PLEKHA7: variants seen among roughly 807,000 people sequenced by gnomAD.
PLEKHA7 encodes pleckstrin homology domain containing A7.
A neutral mutation model predicts 170.0 loss-of-function variants in PLEKHA7; 104 were observed. That is an observed-to-expected ratio of 0.61 (90% CI 0.52 to 0.72). PLEKHA7 has a LOEUF of 0.72. Ranked by LOEUF, PLEKHA7 falls within the 30% of genes least tolerant of loss-of-function variation. The pLI is 0.00. For missense variants in PLEKHA7, 1,615 were observed against 1,671.7 expected, an observed-to-expected ratio of 0.97 and a Z score of 0.59; for synonymous variants, 648 against 660.8, an observed-to-expected ratio of 0.98 and a Z score of 0.30.
chr11:16,909,102 T>A (rs529489489), intron 3 of PLEKHA7, among the ~76,000 whole-genome samples: 1 of 152,332 alleles, frequency 6.6e-6, no homozygotes, highest in African/African-American at 2.4e-5. Context: ...TCTGGGTGGA[T>A]TAAATGATAC....
chr11:16,782,685 A>G (rs546807025), intron 26 of PLEKHA7, 69 bp downstream of exon 26: 54 of 1,517,076 alleles, frequency 3.6e-5, no homozygotes, highest in Non-Finnish European at 4.5e-5. Flanking sequence ...GGAACAGGCC[A>G]TGCTGGGCCC....
chr11:16,817,333 A>G lies in PLEKHA7; in HGVS notation c.1344-11T>C. 1 of 1,599,844 alleles carries G rather than the reference A, an allele frequency of 6.3e-7. No individual in the cohort carries two copies. Among genetic ancestry groups the G allele is most frequent in the African/African-American group, 1.3e-5 (1 of 74,858 alleles). On this transcript the variant is annotated splice_polypyrimidine_tract_variant and intron_variant, in intron 10 of 26. Coordinates refer to ENST00000531066, the MANE Select transcript of PLEKHA7 (RefSeq NM_001329630.2). This position sits in a 1 kb window ranked among gnomAD's most constrained non-coding sequence, Gnocchi z 4.4. ...TGGTCCAAGGGAAGACTGAGGAGAA[A>G]GGGTAAGAACGGGTCAGGCAACCAA...
chr11:16,924,968 T>C (rs1859397840), intron 3 of PLEKHA7, among the ~76,000 whole-genome samples: 1 of 152,122 alleles, frequency 6.6e-6, no homozygotes, highest in Non-Finnish European at 1.5e-5. Context: ...GGAAGGTGTG[T>C]CTGAAACCAG....
intron 3 of PLEKHA7, among the ~76,000 whole-genome samples, chr11:16,988,023 T>C (rs548280107): frequency 2.6e-5 from 4 of 152,366 alleles, no homozygotes; most frequent in Admixed American, 2.6e-4. Flanking sequence ...TGACTGCACC[T>C]GTTAATAACC....
intron 3 of PLEKHA7, among the ~76,000 whole-genome samples, chr11:16,964,601 T>C (rs1002497950): frequency 4.6e-5 from 7 of 151,934 alleles, no homozygotes; most frequent in African/African-American, 1.7e-4. Flanking sequence ...CAACTAGGAG[T>C]GTTTCACTCT....
chr11:16,890,105 G>A (rs1192730277), intron 3 of PLEKHA7, among the ~76,000 whole-genome samples: 1 of 152,128 alleles, frequency 6.6e-6, no homozygotes, highest in East Asian at 1.9e-4. Flanking sequence ...CAAACACTAG[G>A]GGAATTTTTC....
chr11:16,920,779 G>A (rs1226096673), intron 3 of PLEKHA7, among the ~76,000 whole-genome samples: 1 of 152,176 alleles, frequency 6.6e-6, no homozygotes, highest in East Asian at 1.9e-4. Context: ...AGAGTGCACA[G>A]CTCCATGCCG....
At chr11:16,935,522 C>T (rs1326333031) in intron 3 of PLEKHA7, among the ~76,000 whole-genome samples, 8 of 152,212 alleles carry the variant, frequency 5.3e-5, no homozygotes, top group Admixed American at 4.6e-4. Flanking sequence ...AAGGTAGAAA[C>T]ATGCTTTAAA....
At chr11:16,836,796 CTTTT>C (rs376257161) in intron 9 of PLEKHA7, among the ~76,000 whole-genome samples, 2 of 134,188 alleles carry the variant, frequency 1.5e-5, no homozygotes, top group African/African-American at 2.9e-5. Context: ...GTTTCCTGGG[CTTTT>C]TTTTTTTGTT....
At chr11:16,801,136 C>A (rs75163301) in intron 16 of PLEKHA7, 61 bp from the exon 17 acceptor site, 1 of 1,424,032 alleles carries the variant, frequency 7.0e-7, no homozygotes, top group Non-Finnish European at 9.9e-7. Context: ...GAAGGCCTCA[C>A]GAACACCTGT....
At chr11:16,978,040 C>T (rs147469885) in intron 3 of PLEKHA7, among the ~76,000 whole-genome samples, 280 of 152,260 alleles carry the variant, frequency 1.8e-3, no homozygotes, top group African/African-American at 6.3e-3. Context: ...ACAGCAGGCA[C>T]ACCTCCTGTC....
chr11:16,925,021 C>T (rs1283895590), intron 3 of PLEKHA7, among the ~76,000 whole-genome samples: 4 of 152,352 alleles, frequency 2.6e-5, no homozygotes, highest in East Asian at 3.9e-4. Context: ...TCCTCCGTAG[C>T]CGGCTCCTGG....
chr11:16,973,261 C>T (rs1449716230), intron 3 of PLEKHA7, among the ~76,000 whole-genome samples: 1 of 152,198 alleles, frequency 6.6e-6, no homozygotes, highest in East Asian at 1.9e-4. Context: ...GGCAAGAACA[C>T]AGGCCACTAG....
intron 3 of PLEKHA7, among the ~76,000 whole-genome samples, chr11:16,970,416 T>G (rs1341896679): frequency 2.0e-5 from 3 of 152,114 alleles, no homozygotes; most frequent in African/African-American, 7.2e-5. Flanking sequence ...CCCAGCACTT[T>G]GGAAGGCTGA....
chr11:16,934,874 A>C (rs1860179262), intron 3 of PLEKHA7, among the ~76,000 whole-genome samples: 1 of 152,204 alleles, frequency 6.6e-6, no homozygotes, highest in Non-Finnish European at 1.5e-5. Flanking sequence ...TGAAATTTTT[A>C]TCTCTTACAG....
chr11:16,935,544 C>G (rs1460653250), intron 3 of PLEKHA7, among the ~76,000 whole-genome samples: 2 of 152,180 alleles, frequency 1.3e-5, no homozygotes, highest in Non-Finnish European at 2.9e-5. Flanking sequence ...TATGAAATAG[C>G]CAGCAGTCTG....
At chr11:16,892,533 C>T (rs1252854752) in intron 3 of PLEKHA7, among the ~76,000 whole-genome samples, 1 of 151,564 alleles carries the variant, frequency 6.6e-6, no homozygotes, top group African/African-American at 2.4e-5. Flanking sequence ...GTAACCTCTA[C>T]CCTACTGGCT....
intron 3 of PLEKHA7, among the ~76,000 whole-genome samples, chr11:16,958,433 T>C (rs1045197844): frequency 2.0e-5 from 3 of 152,240 alleles, no homozygotes; most frequent in Non-Finnish European, 4.4e-5. Flanking sequence ...TGTGTATGCA[T>C]GATTCCAAGT....
intron 4 of PLEKHA7, among the ~76,000 whole-genome samples, chr11:16,861,740 G>T (rs1853971694): frequency 6.6e-6 from 1 of 152,120 alleles, no homozygotes; most frequent in Non-Finnish European, 1.5e-5. Flanking sequence ...CTTATTAAAT[G>T]ACACCTTTAT....
Sources: allele counts gnomAD v4.1 joint callset (sites outside exome capture counted in the v4.1 genomes callset), GRCh38; gene constraint gnomAD v4.1.1; non-coding constraint Gnocchi (gnomAD v3.1); transcripts MANE v1.5; gene names NCBI Gene and HGNC (gene_info 2026-07-23, HGNC 2026-07-21).